Variants in KYNU observed in about 807,000 individuals in gnomAD.
KYNU encodes L-kynurenine hydrolase.
In KYNU, 54 loss-of-function variants were observed where a neutral mutation model predicts 59.2. The ratio of observed to expected loss-of-function variants is 0.91; its 90% CI spans 0.73 to 1.14. KYNU has a LOEUF of 1.14. Among genes scored for constraint, KYNU ranks in the 50% most tolerant of loss-of-function variants. The probability of loss-of-function intolerance (pLI) is 0.00; values close to 1 mark genes in which losing one functional copy is unlikely to be tolerated. For missense variants in KYNU, 567 were observed against 554.4 expected (o/e 1.02, Z -0.23); for synonymous variants, 177 against 192.0 (o/e 0.92, Z 0.65).
intron 2 of KYNU, among the ~76,000 whole-genome samples, chr2:142,897,259 T>G (rs1267228453): frequency 6.6e-6 from 1 of 152,230 alleles, no homozygotes; most frequent in Non-Finnish European, 1.5e-5. Flanking sequence ...ATTTGGTTCC[T>G]GGCGTTTTTC....
chr2:142,913,762 TTGA>T (rs1465172644), intron 2 of KYNU, among the ~76,000 whole-genome samples: 3 of 152,362 alleles, frequency 2.0e-5, no homozygotes, highest in African/African-American at 4.8e-5. Context: ...GTTTTCTGAC[TTGA>T]TGATCTGTCT....
At chr2:143,032,289 C>CAAAAA (rs1038644031) in intron 11 of KYNU, among the ~76,000 whole-genome samples, 1 of 74,990 alleles carries the variant, frequency 1.3e-5, no homozygotes, top group African/African-American at 3.8e-5. Context: ...AAAACAAAAA[C>CAAAAA]AAAAAAAAAA....
At chr2:143,003,995 C>G (rs1269913890) in intron 10 of KYNU, among the ~76,000 whole-genome samples, 1 of 152,198 alleles carries the variant, frequency 6.6e-6, no homozygotes, top group Non-Finnish European at 1.5e-5. Flanking sequence ...TGATTAAGAT[C>G]TTCCATGAAC....
chr2:143,026,725 C>G lies in KYNU; in HGVS notation c.903-2902C>G, dbSNP rs899659263. 4.8e-5 allele frequency among the ~76,000 whole-genome samples: 7 copies of G among 146,756 alleles called. No individual in the cohort carries two copies. In the East Asian group the frequency reaches 1.4e-3, roughly 30 times the overall value. On this transcript the variant is annotated intron_variant, in intron 10 of 13. Coordinates refer to ENST00000264170, the MANE Select transcript of KYNU (RefSeq NM_003937.3). ...GCCCCAGAGGGCACGTTACAGTGCTCTTTTAGCTCTGCTGTCCGCAGTCCG... is the reference window on the plus strand; with the variant it reads ...GCCCCAGAGGGCACGTTACAGTGCTGTTTTAGCTCTGCTGTCCGCAGTCCG...
At chr2:142,947,302 C>T in intron 4 of KYNU, 11 of 1,359,340 alleles carry the variant, frequency 8.1e-6, no homozygotes, top group Non-Finnish European at 1.1e-5. Flanking sequence ...CCACTACACA[C>T]CTGTGTCATA....
chr2:142,997,902 G>A (rs73964618), intron 10 of KYNU, among the ~76,000 whole-genome samples: 3,310 of 152,174 alleles, frequency 0.022, 131 homozygotes, highest in African/African-American at 0.076. Flanking sequence ...CCTCACATCC[G>A]AAATCATATT....
At chr2:142,936,682 A>G (rs1157661947) in intron 4 of KYNU, among the ~76,000 whole-genome samples, 1 of 152,192 alleles carries the variant, frequency 6.6e-6, no homozygotes, top group Non-Finnish European at 1.5e-5. Context: ...GACCGGAGAA[A>G]CCAAGAGAGG....
At chr2:142,915,723 G>T (rs1423608684) in intron 2 of KYNU, among the ~76,000 whole-genome samples, 2 of 152,172 alleles carry the variant, frequency 1.3e-5, no homozygotes, top group African/African-American at 4.8e-5. Context: ...AGGACTAACT[G>T]GAGCAAGCCC....
chr2:142,901,489 C>A (rs559622339), intron 2 of KYNU, among the ~76,000 whole-genome samples: 4 of 152,044 alleles, frequency 2.6e-5, no homozygotes, highest in African/African-American at 9.7e-5. Context: ...TTCTATTTTT[C>A]TTTCCTTTTC....
chr2:142,930,332 C>G (rs764250989), intron 4 of KYNU, among the ~76,000 whole-genome samples: 6 of 152,130 alleles, frequency 3.9e-5, no homozygotes, highest in African/African-American at 7.2e-5. Flanking sequence ...AATATCAGAT[C>G]CCCTTGCCAA....
chr2:142,995,181 T>C (rs549708081), intron 10 of KYNU, among the ~76,000 whole-genome samples: 22 of 152,246 alleles, frequency 1.4e-4, no homozygotes, highest in Admixed American at 3.3e-4. Context: ...TTACTAATAG[T>C]CTCATGCCAA....
chr2:142,988,661 A>C (rs1353999799), intron 10 of KYNU, among the ~76,000 whole-genome samples: 1 of 151,932 alleles, frequency 6.6e-6, no homozygotes, highest in Non-Finnish European at 1.5e-5. Flanking sequence ...TATGGGACTT[A>C]AATTAGGCTT....
At chr2:142,982,517 T>C (rs1393977057) in intron 8 of KYNU, among the ~76,000 whole-genome samples, 3 of 152,084 alleles carry the variant, frequency 2.0e-5, no homozygotes, top group Non-Finnish European at 4.4e-5. Context: ...CTTGCTTTTT[T>C]AACATTGTGA....
Position 143,053,318 on chromosome 2 carries a change from C to G in KYNU, c.*11146C>G, listed in dbSNP as rs1441113612. The G allele has an allele frequency of 6.6e-6, 1 of 152,218 alleles. No homozygotes were observed. Among genetic ancestry groups the G allele is most frequent in the Non-Finnish European group, 1.5e-5 (1 of 68,062 alleles). The allele number at this position is 152,218 out of a possible 1,614,324, so 9.4% of individuals were successfully genotyped here. A position where few individuals can be genotyped will look rare whatever the true frequency, so the allele number is the denominator to read the frequency against. ...CTGGATTCTAGAGGCTTCCCACAAT[C>G]CTTGGCTTAAGGTCCATCTTTAAGC... On this transcript the variant is annotated 3_prime_UTR_variant, in exon 14 of 14. Coordinates refer to ENST00000264170, the MANE Select transcript of KYNU (RefSeq NM_003937.3).
chr2:142,950,296 C>T (rs1683944286), intron 4 of KYNU, among the ~76,000 whole-genome samples: 1 of 152,188 alleles, frequency 6.6e-6, no homozygotes. Flanking sequence ...GATATCTTTT[C>T]AGCAATGTCC....
At chr2:143,037,803 A>T (rs1447346198) in intron 12 of KYNU, among the ~76,000 whole-genome samples, 1 of 152,206 alleles carries the variant, frequency 6.6e-6, no homozygotes, top group Non-Finnish European at 1.5e-5. Context: ...AGAAAATAGA[A>T]TATTTATGTT....
At chr2:142,992,018 C>T (rs1685411548) in intron 10 of KYNU, among the ~76,000 whole-genome samples, 2 of 151,882 alleles carry the variant, frequency 1.3e-5, no homozygotes, top group African/African-American at 4.8e-5. Context: ...AATTACTCTA[C>T]AAATTCTTAG....
intron 13 of KYNU, among the ~76,000 whole-genome samples, chr2:143,041,746 GA>G (rs996703701): frequency 7.7e-5 from 11 of 143,212 alleles, no homozygotes; most frequent in South Asian, 2.2e-4. Context: ...GTCCCCACGG[GA>G]AAAAAAAAAC....
At chr2:142,943,659 G>T (rs149825072) in intron 4 of KYNU, among the ~76,000 whole-genome samples, 1 of 152,204 alleles carries the variant, frequency 6.6e-6, no homozygotes, top group East Asian at 1.9e-4. Context: ...TTAGCTACAT[G>T]CATTCAAGGT....
Sources: allele counts gnomAD v4.1 joint callset (sites outside exome capture counted in the v4.1 genomes callset), GRCh38; gene constraint gnomAD v4.1.1; transcripts MANE v1.5; gene names NCBI Gene and HGNC (gene_info 2026-07-23, HGNC 2026-07-21).